Variants in PLCZ1 observed in about 807,000 individuals in gnomAD.
PLCZ1 encodes 1-phosphatidylinositol 4,5-bisphosphate phosphodiesterase zeta-1.
Under a neutral mutation model 76.8 loss-of-function variants are expected in PLCZ1, and 64 were observed. The ratio of observed to expected loss-of-function variants is 0.83; its 90% CI spans 0.68 to 1.03. The LOEUF (loss-of-function observed/expected upper bound fraction) is 1.03, where lower values mean the gene tolerates loss of function less well. Among genes scored for constraint, PLCZ1 ranks in the 50% least tolerant of loss-of-function variants. The pLI, the probability that PLCZ1 is intolerant of heterozygous loss-of-function variation, is 0.00. For missense variants in PLCZ1, 751 were observed against 713.7 expected, an observed-to-expected ratio of 1.05 and a Z score of -0.60; for synonymous variants, 248 against 230.8, an observed-to-expected ratio of 1.07 and a Z score of -0.68.
chr12:18,659,311 C>A, the PLCZ1 span, among the ~76,000 whole-genome samples: 1 of 151,998 alleles, frequency 6.6e-6, no homozygotes, highest in Non-Finnish European at 1.5e-5. Context: ...GATGAGAAAA[C>A]AAAAGTAGTC....
intron 7 of PLCZ1, among the ~76,000 whole-genome samples, chr12:18,704,825 T>C (rs1036973176): frequency 2.0e-5 from 3 of 152,146 alleles, no homozygotes; most frequent in Non-Finnish European, 4.4e-5. Context: ...GTACTGACTA[T>C]TTATAGTCTA....
chr12:18,694,030 C>T (rs1954562978), intron 12 of PLCZ1: 1 of 1,452,586 alleles, frequency 6.9e-7, no homozygotes, highest in Admixed American at 1.7e-5. Flanking sequence ...CAAATGAAGA[C>T]TTCAAAAAAT....
At chr12:18,684,965 T>C (rs1952876727) in intron 13 of PLCZ1, among the ~76,000 whole-genome samples, 1 of 151,944 alleles carries the variant, frequency 6.6e-6, no homozygotes, top group Non-Finnish European at 1.5e-5. Flanking sequence ...CAAATTTGTT[T>C]CCCCTTCACC....
At chr12:18,682,378 T>C (rs535962117), downstream of PLCZ1, among the ~76,000 whole-genome samples, 1 of 152,152 alleles carries the variant, frequency 6.6e-6, no homozygotes, top group Non-Finnish European at 1.5e-5. Context: ...GTCCCTGACT[T>C]TGTCAAACTT....
rs183962258 is a variant in PLCZ1, at chr12:18,684,340, T to A, written c.1592-61A>T. The A allele has an allele frequency of 3.5e-3, 5,275 of 1,490,026 alleles. 29 individuals are homozygous for A. Among genetic ancestry groups the A allele is most frequent in the Non-Finnish European group, 3.3e-3 (3,582 of 1,087,194 alleles). The allele number at this position is 1,490,026 out of a possible 1,614,324, so 92.3% of individuals were successfully genotyped here. Reference sequence around the variant, plus strand: ...GATACCATATCTAGGAAAAAATAGATTACATTTGTTCTCCAAACTTTTTCT... The same window carrying A: ...GATACCATATCTAGGAAAAAATAGAATACATTTGTTCTCCAAACTTTTTCT... On this transcript the variant is annotated intron_variant, in intron 13 of 14. Transcript: ENST00000266505.
chr12:18,722,155 G>A (rs950597182), intron 4 of PLCZ1, among the ~76,000 whole-genome samples: 1 of 151,916 alleles, frequency 6.6e-6, no homozygotes, highest in African/African-American at 2.4e-5. Context: ...CACTCTCAGA[G>A]AGGGTTCTTC....
chr12:18,685,695 G>A (rs199528919), intron 13 of PLCZ1: 15 of 508,340 alleles, frequency 3.0e-5, no homozygotes, highest in Non-Finnish European at 5.1e-5. Context: ...TACAGAGGCA[G>A]GTTTAGAGTC....
chr12:18,652,249 T>C, the PLCZ1 span, among the ~76,000 whole-genome samples: 1 of 152,098 alleles, frequency 6.6e-6, no homozygotes, highest in African/African-American at 2.4e-5. Context: ...GCCAGTCCCA[T>C]ATACCAGTCA....
chr12:18,671,794 T>C, the PLCZ1 span, among the ~76,000 whole-genome samples: 2 of 152,128 alleles, frequency 1.3e-5, no homozygotes, highest in Non-Finnish European at 2.9e-5. Context: ...ATATCATCCA[T>C]GGAGGGGCTA....
intron 14 of PLCZ1, 183 bp from the exon 15 acceptor site, chr12:18,683,507 C>A: frequency 6.7e-7 from 1 of 1,500,584 alleles, no homozygotes. Context: ...TCTATTCTGA[C>A]TTCCTAACTG....
intron 12 of PLCZ1, chr12:18,693,925 G>C (rs56050339): frequency 6.6e-7 from 1 of 1,526,246 alleles, no homozygotes; most frequent in South Asian, 1.1e-5. Flanking sequence ...TGCACGACTT[G>C]ATCATGGCTA....
chr12:18,699,397 G>A (rs531507661), intron 10 of PLCZ1, among the ~76,000 whole-genome samples: 1 of 152,178 alleles, frequency 6.6e-6, no homozygotes, highest in Non-Finnish European at 1.5e-5. Context: ...TAGAAATAGA[G>A]TGGATCATGC....
intron 6 of PLCZ1, among the ~76,000 whole-genome samples, chr12:18,709,869 C>A (rs1033980288): frequency 1.3e-5 from 2 of 152,016 alleles, no homozygotes; most frequent in Non-Finnish European, 2.9e-5. Flanking sequence ...GTATACAGAT[C>A]TTTCACTTCC....
chr12:18,730,083 G>A (rs376630171), intron 3 of PLCZ1, among the ~76,000 whole-genome samples: 1 of 151,956 alleles, frequency 6.6e-6, no homozygotes, highest in African/African-American at 2.4e-5. Context: ...CCCATTCTAC[G>A]GATTAAGAAA....
At chr12:18,713,053 A>G (rs1957526528) in intron 5 of PLCZ1, 67 bp from the exon 6 acceptor site, 2 of 1,576,132 alleles carry the variant, frequency 1.3e-6, no homozygotes, top group South Asian at 2.2e-5. Flanking sequence ...AAAGTATTAA[A>G]ATATTCCAAA....
intron 3 of PLCZ1, among the ~76,000 whole-genome samples, chr12:18,729,885 A>G (rs1313252552): frequency 6.6e-6 from 1 of 152,136 alleles, no homozygotes; most frequent in East Asian, 1.9e-4. Context: ...GTAAGAAAAT[A>G]AACTCACATC....
intron 3 of PLCZ1, among the ~76,000 whole-genome samples, chr12:18,725,761 A>G (rs1958716751): frequency 6.6e-6 from 1 of 151,986 alleles, no homozygotes; most frequent in Non-Finnish European, 1.5e-5. Context: ...TATGGTACCT[A>G]TGTTTCTCGT....
At chr12:18,695,942 A>G (rs1326848036) in intron 11 of PLCZ1, among the ~76,000 whole-genome samples, 1 of 151,850 alleles carries the variant, frequency 6.6e-6, no homozygotes, top group African/African-American at 2.4e-5. Flanking sequence ...CCATTCCCCA[A>G]ACCATCACTG....
chr12:18,718,024 A>G (rs1958179601), intron 5 of PLCZ1, among the ~76,000 whole-genome samples: 1 of 152,030 alleles, frequency 6.6e-6, no homozygotes, highest in Admixed American at 6.6e-5. Flanking sequence ...CCAAAACTCT[A>G]TGGTGTCCTG....
Sources: gnomAD v4.1 joint callset for allele counts (sites outside exome capture counted in the v4.1 genomes callset) on GRCh38, gnomAD v4.1.1 for gene constraint, MANE v1.5 for transcripts, NCBI Gene and HGNC (gene_info 2026-07-23, HGNC 2026-07-21) for gene names.